CHD6: variants seen among roughly 807,000 people sequenced by gnomAD.
CHD6 encodes the protein ATP-dependent chromatin remodeler CHD6.
Under a neutral mutation model 276.9 loss-of-function variants are expected in CHD6, and 50 were observed. That is an observed-to-expected ratio of 0.18 (90% CI 0.14 to 0.23). The LOEUF is 0.23. Among genes scored for constraint, CHD6 ranks in the 10% least tolerant of loss-of-function variants. The pLI is 1.00. For missense variants in CHD6, 2,564 were observed against 3,365.8 expected, an observed-to-expected ratio of 0.76 and a Z score of 5.89; for synonymous variants, 1,173 against 1,229.3, an observed-to-expected ratio of 0.95 and a Z score of 0.96.
chr20:41,503,469 A>G (rs2043888616), intron 5 of CHD6, among the ~76,000 whole-genome samples: 1 of 152,152 alleles, frequency 6.6e-6, no homozygotes, highest in Non-Finnish European at 1.5e-5. Flanking sequence ...ATTTCTGAGT[A>G]CAAATTATGA....
At chr20:41,591,021 T>C (rs1372320598) in intron 1 of CHD6, among the ~76,000 whole-genome samples, 1 of 151,882 alleles carries the variant, frequency 6.6e-6, no homozygotes, top group African/African-American at 2.4e-5. Context: ...CATGGAATAC[T>C]ATGCAGCCAT....
At chr20:41,498,355 T>C in intron 6 of CHD6, 129 bp from the exon 7 acceptor site, 1 of 707,300 alleles carries the variant, frequency 1.4e-6, no homozygotes, top group Non-Finnish European at 2.4e-6. Flanking sequence ...ATTTTCATTT[T>C]CCCAGGCCTT....
chr20:41,426,420 T>G (rs537893575), intron 27 of CHD6, among the ~76,000 whole-genome samples: 1 of 152,352 alleles, frequency 6.6e-6, no homozygotes, highest in Admixed American at 6.5e-5. Context: ...TGAGCAATGA[T>G]GAACTGGCAC....
chr20:41,561,725 G>T (rs1050649670), intron 1 of CHD6, among the ~76,000 whole-genome samples: 3 of 152,188 alleles, frequency 2.0e-5, no homozygotes, highest in African/African-American at 7.2e-5. Context: ...CTGGTGGGTT[G>T]CAAATCACAG....
rs767667274 is a variant in CHD6 at position 41,447,909 on chromosome 20, T to G, written c.3746A>C (p.Glu1249Ala). The G allele has an allele frequency of 6.2e-7, 1 of 1,612,212 alleles. No individual in the cohort carries two copies. The highest frequency in any genetic ancestry group is 8.5e-7 in the Non-Finnish European group (1 of 1,179,048). ...LKAEILGEAA[E>A]KAFEGSPARE... ...GGCAGGAGATCCTTCAAATGCTTTC[T>G]CAGCTGCTTCTCCCAGTATTTCAGC... Residue 1249 changes from glutamate (E) to alanine (A), a missense_variant, in exon 24 of 37, where the codon GAG becomes GCG. Coordinates refer to ENST00000373233, the MANE Select transcript of CHD6 (RefSeq NM_032221.5).
At chr20:41,588,985 C>T (rs182579557) in intron 1 of CHD6, among the ~76,000 whole-genome samples, 226 of 152,146 alleles carry the variant, frequency 1.5e-3, no homozygotes, top group African/African-American at 4.4e-3. Context: ...ACTGGCAAAC[C>T]GAATCCAGCA....
intron 14 of CHD6, among the ~76,000 whole-genome samples, chr20:41,486,871 T>C (rs1459583248): frequency 2.6e-5 from 4 of 152,028 alleles, no homozygotes; most frequent in African/African-American, 9.7e-5. Context: ...TGCAGAGTGG[T>C]TACCACCTCT....
In CHD6 at chr20:41,420,836, T is replaced by C; in HGVS notation, c.5799A>G (p.Pro1933=). Reference sequence around the variant, plus strand: ...GTTTGCAGTGGCACTGACAGGCTGCTGGAGCGGGGAAAGCCCTCTGTAGCC... The same window carrying C: ...GTTTGCAGTGGCACTGACAGGCTGCCGGAGCGGGGAAAGCCCTCTGTAGCC... ...TPGLQRAFPA[P]AACQCHCKHM... is the part of the protein sequence containing the mutation. The change falls in exon 31 of 37, where the codon CCA becomes CCG. Residue 1933 remains proline, a synonymous_variant. Coordinates refer to ENST00000373233, the MANE Select transcript of CHD6 (RefSeq NM_032221.5). 1 of 1,614,224 alleles carries C rather than the reference T, an allele frequency of 6.2e-7. No homozygotes were observed. The highest frequency in any genetic ancestry group is 1.7e-5 in the Admixed American group (1 of 60,028).
intron 16 of CHD6, 23 bp downstream of exon 16, chr20:41,483,286 C>T (rs752994960): frequency 1.9e-6 from 3 of 1,582,820 alleles, no homozygotes; most frequent in Non-Finnish European, 2.6e-6. Flanking sequence ...TTGTTGAATG[C>T]AGAGCTTTGA....
intron 1 of CHD6, among the ~76,000 whole-genome samples, chr20:41,577,699 T>A (rs538223022): frequency 4.1e-4 from 63 of 152,236 alleles, no homozygotes; most frequent in Non-Finnish European, 8.1e-4. Flanking sequence ...GTATGTTGAA[T>A]AAACAGATTA....
intron 5 of CHD6, among the ~76,000 whole-genome samples, chr20:41,505,481 C>A (rs143013137): frequency 6.6e-6 from 1 of 152,092 alleles, no homozygotes; most frequent in African/African-American, 2.4e-5. Flanking sequence ...ACCTGATCCT[C>A]GGCCCACTCC....
chr20:41,577,159 CGAGA>C (rs1377339724), intron 1 of CHD6, among the ~76,000 whole-genome samples: 2 of 152,126 alleles, frequency 1.3e-5, no homozygotes, highest in Non-Finnish European at 2.9e-5. Flanking sequence ...AAACTTAGAA[CGAGA>C]GAGTCTCTAT....
At chr20:41,483,244 C>CA (rs914150219) in intron 16 of CHD6, 65 bp downstream of exon 16, 4 of 1,409,022 alleles carry the variant, frequency 2.8e-6, no homozygotes, top group African/African-American at 2.9e-5. Flanking sequence ...TTGAATGGAT[C>CA]AAAAAAATAT....
intron 1 of CHD6, among the ~76,000 whole-genome samples, chr20:41,602,193 A>G (rs954941692): frequency 2.0e-5 from 3 of 152,228 alleles, no homozygotes; most frequent in African/African-American, 4.8e-5. Flanking sequence ...AAAGATTCTC[A>G]TGAATAAACT....
intron 27 of CHD6, among the ~76,000 whole-genome samples, chr20:41,430,268 A>G (rs1569069936): frequency 6.6e-6 from 1 of 152,268 alleles, no homozygotes; most frequent in Non-Finnish European, 1.5e-5. Flanking sequence ...TTTTAAGGAT[A>G]TGAAGAGCAA....
intron 3 of CHD6, among the ~76,000 whole-genome samples, chr20:41,531,266 T>G (rs2044678166): frequency 6.6e-6 from 1 of 152,182 alleles, no homozygotes; most frequent in Non-Finnish European, 1.5e-5. Flanking sequence ...CCAAGACTTC[T>G]TATTAGGGCT....
intron 27 of CHD6, among the ~76,000 whole-genome samples, chr20:41,435,696 G>C (rs1356098566): frequency 6.6e-6 from 1 of 151,682 alleles, no homozygotes. Flanking sequence ...TCCCCAAAGA[G>C]ATATAAAGGT....
intron 3 of CHD6, among the ~76,000 whole-genome samples, chr20:41,527,756 C>T (rs2044578613): frequency 6.6e-6 from 1 of 152,176 alleles, no homozygotes; most frequent in Non-Finnish European, 1.5e-5. Context: ...ATTTGTCCCC[C>T]AAAATTCCTG....
intron 32 of CHD6, 70 bp downstream of exon 32, chr20:41,417,128 G>A (rs546171954): frequency 7.2e-7 from 1 of 1,379,546 alleles, no homozygotes; most frequent in Non-Finnish European, 1.0e-6. Flanking sequence ...ATTTCTAAAA[G>A]GGTTAAAAAA....
Sources: allele counts gnomAD v4.1 joint callset (sites outside exome capture counted in the v4.1 genomes callset), GRCh38; gene constraint gnomAD v4.1.1; transcripts MANE v1.5; gene names NCBI Gene and HGNC (gene_info 2026-07-23, HGNC 2026-07-21).